KDM4C: variants seen among roughly 807,000 people sequenced by gnomAD.
KDM4C encodes the protein lysine-specific demethylase 4C.
Under a neutral mutation model 129.3 loss-of-function variants are expected in KDM4C, and 81 were observed. That is an observed-to-expected ratio of 0.63 (90% confidence interval 0.52 to 0.75). KDM4C has a LOEUF of 0.75. Among genes scored for constraint, KDM4C ranks in the 30% least tolerant of loss-of-function variants. KDM4C has a pLI of 0.00. For synonymous variants in KDM4C, 573 were observed against 456.1 expected (o/e 1.26, Z -3.26); for missense variants, 1,457 against 1,304.0 (o/e 1.12, Z -1.81).
intron 19 of KDM4C, among the ~76,000 whole-genome samples, chr9:7,154,067 C>T (rs1417714168): frequency 1.3e-5 from 2 of 152,142 alleles, no homozygotes; most frequent in Non-Finnish European, 2.9e-5. Context: ...GTTGTCTTTG[C>T]TGTGAGGGAA....
chr9:7,105,431 TG>T (rs1211764618), intron 18 of KDM4C: 1 of 470,840 alleles, frequency 2.1e-6, no homozygotes, highest in African/African-American at 2.0e-5. Context: ...ACTCAAAAAA[TG>T]AAAGTTGTAT....
At chr9:7,079,840 A>T (rs537745601) in intron 17 of KDM4C, among the ~76,000 whole-genome samples, 4 of 152,288 alleles carry the variant, frequency 2.6e-5, no homozygotes, top group African/African-American at 9.6e-5. Context: ...TCTGGCCCTC[A>T]ACTTTTAACA....
At chr9:6,951,159 A>G (rs1828074198) in intron 8 of KDM4C, among the ~76,000 whole-genome samples, 1 of 152,116 alleles carries the variant, frequency 6.6e-6, no homozygotes, top group South Asian at 2.1e-4. Context: ...TCAAACACTT[A>G]TCATTTCTTG....
At chr9:6,950,673 C>A (rs1827976097) in intron 8 of KDM4C, among the ~76,000 whole-genome samples, 1 of 152,152 alleles carries the variant, frequency 6.6e-6, no homozygotes, top group Non-Finnish European at 1.5e-5. Context: ...GCCAATGTTC[C>A]CTCCTGATAA....
chr9:6,877,340 A>G (rs946722663), intron 5 of KDM4C, among the ~76,000 whole-genome samples: 1 of 152,152 alleles, frequency 6.6e-6, no homozygotes, highest in Non-Finnish European at 1.5e-5. Flanking sequence ...AGCTGAGACT[A>G]CAGGCGCCCG....
intron 18 of KDM4C, among the ~76,000 whole-genome samples, chr9:7,123,594 G>T (rs940156200): frequency 6.6e-6 from 1 of 152,144 alleles, no homozygotes; most frequent in African/African-American, 2.4e-5. Context: ...TACAGACACC[G>T]TGCTGGGTTC....
chr9:6,850,905 C>T (rs191449605), intron 5 of KDM4C, among the ~76,000 whole-genome samples: 4 of 151,890 alleles, frequency 2.6e-5, no homozygotes, highest in African/African-American at 9.7e-5. Context: ...CAGGCGTGTG[C>T]CACCACGCCT....
chr9:7,075,249 C>T (rs1015491071), intron 17 of KDM4C, among the ~76,000 whole-genome samples: 5 of 152,090 alleles, frequency 3.3e-5, no homozygotes, highest in African/African-American at 1.2e-4. Context: ...TGTCTATGCT[C>T]GGTTAATGGT....
Position 6,862,400 on chromosome 9 carries a change from A to T in KDM4C, c.629+12700A>T, listed in dbSNP as rs149844091. On this transcript the variant is annotated intron_variant, in intron 5 of 21. Transcript: ENST00000381309. ...GCTTTGTGTATTTTTTTCAGTTTGC[A>T]TGTTACTTGTAGTTTGGTTGCTTTG... 1.0e-3 allele frequency among the ~76,000 whole-genome samples: 159 copies of T among 152,162 alleles called. 1 individual carries two copies. The highest frequency in any genetic ancestry group is 1.7e-3 in the Non-Finnish European group (116 of 67,986).
At chr9:6,913,574 G>C (rs1819723768) in intron 8 of KDM4C, among the ~76,000 whole-genome samples, 1 of 152,166 alleles carries the variant, frequency 6.6e-6, no homozygotes, top group Non-Finnish European at 1.5e-5. Flanking sequence ...CTGAAGGGTG[G>C]GTCAGTGGAC....
chr9:6,826,444 A>G (rs568478714), intron 4 of KDM4C, among the ~76,000 whole-genome samples: 1 of 152,172 alleles, frequency 6.6e-6, no homozygotes, highest in Non-Finnish European at 1.5e-5. Context: ...TTTCTCTATG[A>G]ATGCTCCATA....
intron 19 of KDM4C, among the ~76,000 whole-genome samples, chr9:7,155,705 GA>G (rs1843097225): frequency 6.6e-6 from 1 of 152,254 alleles, no homozygotes; most frequent in Admixed American, 6.5e-5. Context: ...TTTTATGGCT[GA>G]CATGGTATTC....
At position 6,984,310 on chromosome 9, in the gene KDM4C, G is replaced by A; in HGVS notation, c.1260G>A (p.Val420=). Residue 420 remains valine (V), a synonymous_variant, in exon 10 of 22, where the codon GTG becomes GTA. Transcript: ENST00000381309. Reference sequence around the variant, plus strand: ...TCAGTGAAAAGTCAGAAGCAGCAGTGAAGCTGAGGAACACAGAAGCATCTT... The same window carrying A: ...TCAGTGAAAAGTCAGAAGCAGCAGTAAAGCTGAGGAACACAGAAGCATCTT... ...LKVSEKSEAA[V]KLRNTEASSE... 6.2e-7 allele frequency: 1 copy of A among 1,614,112 alleles called. No individual in the cohort carries two copies. The highest frequency in any genetic ancestry group is 1.1e-5 in the South Asian group (1 of 91,078).
intron 18 of KDM4C, among the ~76,000 whole-genome samples, chr9:7,123,905 A>G (rs930445999): frequency 1.3e-5 from 2 of 152,176 alleles, no homozygotes; most frequent in Admixed American, 6.5e-5. Flanking sequence ...GTGAGAAGTC[A>G]GGGTGCTGCC....
At chr9:6,871,369 A>C (rs1842803000) in intron 5 of KDM4C, among the ~76,000 whole-genome samples, 1 of 152,188 alleles carries the variant, frequency 6.6e-6, no homozygotes, top group African/African-American at 2.4e-5. Flanking sequence ...AATCACCTGA[A>C]GATATGTTTA....
rs184888453 is a variant in KDM4C at position 6,952,263 on chromosome 9, C to T, written c.922-28662C>T. On this transcript the variant is annotated intron_variant, in intron 8 of 21. Coordinates refer to ENST00000381309, the MANE Select transcript of KDM4C (RefSeq NM_015061.6). ...ATTTAAAACAGCAAAGCAAAGCAAC[C>T]TGATGGTACGCCTATGTCCAAGAGT... Among the ~76,000 whole-genome samples, 589 of 151,948 alleles carry T rather than the reference C, an allele frequency of 3.9e-3. 4 individuals are homozygous for T. Among genetic ancestry groups the T allele is most frequent in the Non-Finnish European group, 6.1e-3 (417 of 67,954 alleles).
At chr9:7,012,999 G>A (rs1012297078) in intron 13 of KDM4C, among the ~76,000 whole-genome samples, 3 of 151,970 alleles carry the variant, frequency 2.0e-5, no homozygotes, top group African/African-American at 7.3e-5. Context: ...GTTTTTTAAT[G>A]TGGCACTGGT....
chr9:6,773,198 C>T (rs1260272509), intron 1 of KDM4C, among the ~76,000 whole-genome samples: 2 of 151,790 alleles, frequency 1.3e-5, no homozygotes, highest in African/African-American at 4.8e-5. Flanking sequence ...GACAGGGTCT[C>T]CCTATATTGC....
intron 3 of KDM4C, among the ~76,000 whole-genome samples, chr9:6,808,780 C>T (rs1830609953): frequency 6.6e-6 from 1 of 151,050 alleles, no homozygotes; most frequent in South Asian, 2.1e-4. Flanking sequence ...AGCTAGCCTA[C>T]ACTCAAGGGG....
Sources: gnomAD v4.1 joint callset for allele counts (sites outside exome capture counted in the v4.1 genomes callset) on GRCh38, gnomAD v4.1.1 for gene constraint, MANE v1.5 for transcripts, NCBI Gene and HGNC (gene_info 2026-07-23, HGNC 2026-07-21) for gene names.